The following CRHR1 variants were observed in gnomAD, a reference collection of about 807,000 sequenced individuals.
CRHR1 encodes corticotropin-releasing hormone receptor 1.
A neutral mutation model predicts 56.0 loss-of-function variants in CRHR1; 28 were observed. The observed-to-expected ratio is 0.50, with a 90% CI of 0.37 to 0.69. The LOEUF is 0.69. CRHR1 is among the 30% of genes least tolerant of loss of function. The pLI, the probability that CRHR1 is intolerant of heterozygous loss-of-function variation, is 0.00. For synonymous variants in CRHR1, 195 were observed against 216.5 expected (o/e 0.90, Z 0.87); for missense variants, 376 against 548.0 (o/e 0.69, Z 3.13).
At chr17:45,811,199 G>A (rs2061816797) in intron 2 of CRHR1, among the ~76,000 whole-genome samples, 5 of 152,252 alleles carry the variant, frequency 3.3e-5, no homozygotes, top group Non-Finnish European at 5.9e-5. Flanking sequence ...GAGGCAAACT[G>A]TGTAACCTAC....
rs114559620 is a variant in CRHR1 at position 45,820,385 on chromosome 17, C to G, written c.242-970C>G. Among the ~76,000 whole-genome samples, 1,438 of 152,278 alleles carry G rather than the reference C, an allele frequency of 9.4e-3. 21 individuals carry two copies. Among genetic ancestry groups the G allele is most frequent in the African/African-American group, 0.032 (1,322 of 41,550 alleles). On this transcript the variant is annotated intron_variant, in intron 3 of 12. Coordinates refer to ENST00000314537, the MANE Select transcript of CRHR1 (RefSeq NM_004382.5). ...GTCCCTTCCCAGCTAGGTTTTAGGA[C>G]CCTGGAGCTCAAGCCTGGTAGGCAT... is the stretch of plus-strand genomic sequence containing the variant.
chr17:45,800,480 T>C (rs2061602367), intron 1 of CRHR1: 1 of 152,200 alleles, frequency 6.6e-6, no homozygotes, highest in Non-Finnish European at 1.5e-5. Context: ...CTGATGACCC[T>C]GCCGATGCTT....
At chr17:45,825,156 G>A (rs4523962) in intron 4 of CRHR1, among the ~76,000 whole-genome samples, 21,819 of 152,184 alleles carry the variant, frequency 0.14, 2,134 homozygotes, top group Middle Eastern at 0.22. Context: ...AAGCTCCAGC[G>A]CCCTGGGGTA....
rs1023284960 is a variant in CRHR1, at chr17:45,831,907, G to A, written c.770+967G>A. 2.0e-5 allele frequency among the ~76,000 whole-genome samples: 3 copies of A among 152,302 alleles called. No individual in the cohort carries two copies. In the East Asian group the frequency reaches 5.8e-4, roughly 29 times the overall value. On this transcript the variant is annotated intron_variant, in intron 8 of 12. Transcript: ENST00000314537. ...TTCATTGGGCTGAAAGAGGAGCCTG[G>A]AAGATTATCTTGCGTGTTTATGTGG...
At chr17:45,832,989 A>G (rs1598452259) in intron 8 of CRHR1, 149 bp from the exon 9 acceptor site, 1 of 708,106 alleles carries the variant, frequency 1.4e-6, no homozygotes, top group South Asian at 1.6e-5. Context: ...AGTGGGATCA[A>G]GTGACTTGAC....
chr17:45,803,845 G>A (rs1279423095), intron 1 of CRHR1, among the ~76,000 whole-genome samples: 6 of 152,186 alleles, frequency 3.9e-5, no homozygotes, highest in Non-Finnish European at 8.8e-5. Context: ...GGTGGGAAAC[G>A]AGGAGTGATG....
chr17:45,810,864 C>T lies in CRHR1; in HGVS notation c.121+3767C>T, dbSNP rs1295297486. On this transcript the variant is annotated intron_variant, in intron 2 of 12. Coordinates refer to ENST00000314537, the MANE Select transcript of CRHR1 (RefSeq NM_004382.5). ...GCAAAGACCAGGTTTCTGCCACCCT[C>T]TCCATGCCAGGGGACCCAGGCAGAG... is the stretch of plus-strand genomic sequence containing the variant. Among the ~76,000 whole-genome samples, 3 of 152,378 alleles carry T rather than the reference C, an allele frequency of 2.0e-5. No individual in the cohort carries two copies. In the South Asian group the frequency reaches 6.2e-4, roughly 32 times the overall value.
intron 2 of CRHR1, among the ~76,000 whole-genome samples, chr17:45,816,010 T>A (rs560901962): frequency 6.6e-6 from 1 of 152,196 alleles, no homozygotes; most frequent in South Asian, 2.1e-4. Context: ...GTAGATGTGG[T>A]TTGATTGCAG....
At chr17:45,833,916 G>A in intron 11 of CRHR1, 67 bp downstream of exon 11, 1 of 1,612,608 alleles carries the variant, frequency 6.2e-7, no homozygotes, top group Non-Finnish European at 8.5e-7. Flanking sequence ...AGGCCTGGAG[G>A]GCAGGAGGCC....
intron 1 of CRHR1, among the ~76,000 whole-genome samples, chr17:45,789,460 C>T (rs2061390008): frequency 6.6e-6 from 1 of 152,058 alleles, no homozygotes; most frequent in South Asian, 2.1e-4. Context: ...CAGCGTCAAC[C>T]TTGTGGGCTC....
intron 1 of CRHR1, among the ~76,000 whole-genome samples, chr17:45,796,221 C>T (rs1416454265): frequency 6.6e-6 from 1 of 152,210 alleles, no homozygotes; most frequent in Non-Finnish European, 1.5e-5. Flanking sequence ...GTGCCTCCCA[C>T]CCACTCAGGG....
At chr17:45,792,186 C>G (rs73309321) in intron 1 of CRHR1, among the ~76,000 whole-genome samples, 2,117 of 152,326 alleles carry the variant, frequency 0.014, 53 homozygotes, top group African/African-American at 0.048. Flanking sequence ...TTCATCTTCC[C>G]AGACGGGTAG....
Position 45,830,488 on chromosome 17 carries a change from G to A in CRHR1, c.627G>A (p.Glu209=), listed in dbSNP as rs2062277882. 6.2e-7 allele frequency: 1 copy of A among 1,613,636 alleles called. No individual in the cohort carries two copies. The highest frequency in any genetic ancestry group is 1.3e-5 in the African/African-American group (1 of 74,918). The part of the protein sequence containing the change: ...HVTNFFWMFG[E]GCYLHTAIVL... Reference sequence around the variant, plus strand: ...CCAACTTCTTCTGGATGTTCGGCGAGGGCTGCTACCTGCACACAGCCATCG... The same window carrying A: ...CCAACTTCTTCTGGATGTTCGGCGAAGGCTGCTACCTGCACACAGCCATCG... The change falls in exon 7 of 13, where the codon GAG becomes GAA. Residue 209 remains glutamate, a synonymous_variant. Transcript: ENST00000314537.
rs372706366 is a variant in CRHR1 at position 45,831,305 on chromosome 17, G to A, written c.770+365G>A. ...CTGCCTCAAAGGGCTGTTGTGGGGT[G>A]ATATGAGTCCATCTATATTAAGCAT... On this transcript the variant is annotated intron_variant, in intron 8 of 12. Transcript: ENST00000314537. Among the ~76,000 whole-genome samples, 8 of 152,330 alleles carry A rather than the reference G, an allele frequency of 5.3e-5. No homozygotes were observed. The East Asian group carries it at 1.3e-3, about 26-fold the overall frequency.
intron 2 of CRHR1, among the ~76,000 whole-genome samples, chr17:45,815,312 A>AG (rs1024490600): frequency 6.6e-6 from 1 of 152,144 alleles, no homozygotes; most frequent in African/African-American, 2.4e-5. Context: ...GGGCAGCCTC[A>AG]GGGGGGTGCC....
At position 45,834,624 on chromosome 17, in the gene CRHR1, G is replaced by T. The variant is rs1294943320; in HGVS notation, c.1108G>T (p.Val370Phe). The T allele has an allele frequency of 1.2e-6, 2 of 1,609,676 alleles. No individual in the cohort carries two copies. Among genetic ancestry groups the T allele is most frequent in the African/African-American group, 2.7e-5 (2 of 74,858 alleles). The change falls in exon 13 of 13, where the codon GTC becomes TTC. Residue 370 changes from valine (V) to phenylalanine (F), a missense_variant and splice_region_variant. Val to Phe is a conservative substitution (Grantham distance 50). Transcript: ENST00000314537. ...SVFYCFLNSEVRSAIRKRWHR... is the reference protein window; with the variant it reads ...SVFYCFLNSEFRSAIRKRWHR... ...GTCGTGCTCCTCCCTGTGCCCACAG[G>T]TCCGTTCTGCCATCCGGAAGAGGTG...
chr17:45,790,406 T>A (rs567544908), intron 1 of CRHR1, among the ~76,000 whole-genome samples: 51 of 152,124 alleles, frequency 3.4e-4, no homozygotes, highest in Non-Finnish European at 6.6e-4. Flanking sequence ...CATGTCAGAA[T>A]CTGGCTTTGG....
intron 7 of CRHR1, 51 bp downstream of exon 7, chr17:45,830,621 G>T: frequency 6.4e-7 from 1 of 1,559,852 alleles, no homozygotes; most frequent in Non-Finnish European, 8.7e-7. Context: ...CCGCCGGGCT[G>T]CCCTCTCCTC....
At chr17:45,791,854 A>T (rs796219099) in intron 1 of CRHR1, among the ~76,000 whole-genome samples, 1,797 of 47,950 alleles carry the variant, frequency 0.037, 9 homozygotes, top group South Asian at 0.099. Context: ...TCTCTCTCTC[A>T]CACACACACA....
Sources: gnomAD v4.1 joint callset for allele counts (sites outside exome capture counted in the v4.1 genomes callset) on GRCh38, gnomAD v4.1.1 for gene constraint, MANE v1.5 for transcripts, NCBI Gene and HGNC (gene_info 2026-07-23, HGNC 2026-07-21) for gene names.